The following FBXO34 variants were observed in gnomAD, a reference collection of about 807,000 sequenced individuals.
FBXO34 encodes F-box only protein 34.
FBXO34 carries 12 observed loss-of-function variants against 24.5 expected under a neutral mutation model. The observed-to-expected ratio is 0.49, with a 90% confidence interval of 0.31 to 0.79. FBXO34 has a LOEUF of 0.79. FBXO34 is among the 30% of genes least tolerant of loss of function. The pLI, the probability that FBXO34 is intolerant of heterozygous loss-of-function variation, is 0.04. For synonymous variants in FBXO34, 320 were observed against 311.9 expected (o/e 1.03, Z -0.27); for missense variants, 823 against 857.7 (o/e 0.96, Z 0.51).
At chr14:55,373,010 G>GAGGGTCCTGGC (rs11275289), downstream of FBXO34, among the ~76,000 whole-genome samples, 58,945 of 151,710 alleles carry the variant, frequency 0.39, 11,761 homozygotes, top group Non-Finnish European at 0.42. Context: ...AGAGCAGGAG[G>GAGGGTCCTGGC]AGAGGCCCCT....
chr14:55,323,357 C>T (rs1251805837), intron 1 of FBXO34, among the ~76,000 whole-genome samples: 4 of 141,728 alleles, frequency 2.8e-5, no homozygotes, highest in Admixed American at 1.4e-4. Flanking sequence ...GTGAGCCACC[C>T]CCTGACCTGG....
At chr14:55,428,291 G>A in the FBXO34 span, among the ~76,000 whole-genome samples, 3 of 151,864 alleles carry the variant, frequency 2.0e-5, no homozygotes, top group South Asian at 2.1e-4. Context: ...TGCCACGCCC[G>A]GCTAATTTTT....
At chr14:55,439,601 G>A in the FBXO34 span, among the ~76,000 whole-genome samples, 1 of 108,756 alleles carries the variant, frequency 9.2e-6, no homozygotes, top group Non-Finnish European at 1.9e-5. Context: ...CACCAGCCTG[G>A]GGAGAAAAGC....
chr14:55,428,733 C>T, the FBXO34 span: 1 of 1,410,352 alleles, frequency 7.1e-7, no homozygotes, highest in Non-Finnish European at 9.6e-7. Context: ...CTGAAAGATA[C>T]TTTACGTAAG....
At chr14:55,427,134 C>T in the FBXO34 span, among the ~76,000 whole-genome samples, 1 of 152,064 alleles carries the variant, frequency 6.6e-6, no homozygotes, top group African/African-American at 2.4e-5. Context: ...TAGAAACAGG[C>T]TTTATTAGGA....
At chr14:55,288,716 CTTTG>C (rs1260931492) in intron 1 of FBXO34, among the ~76,000 whole-genome samples, 3 of 152,078 alleles carry the variant, frequency 2.0e-5, no homozygotes, top group East Asian at 1.9e-4. Flanking sequence ...TAGCTAGCTG[CTTTG>C]TTTGTTTTAC....
At chr14:55,426,193 G>T in the FBXO34 span, among the ~76,000 whole-genome samples, 4 of 151,778 alleles carry the variant, frequency 2.6e-5, no homozygotes, top group South Asian at 2.1e-4. Flanking sequence ...CTTGAACCCT[G>T]GGGGGTGGAG....
At chr14:55,420,695 T>C in the FBXO34 span, among the ~76,000 whole-genome samples, 13 of 151,844 alleles carry the variant, frequency 8.6e-5, no homozygotes, top group Non-Finnish European at 1.2e-4. Flanking sequence ...CTGTATAGTC[T>C]TCAGTATTTA....
At chr14:55,299,153 A>G in intron 1 of FBXO34, 1 of 1,144,812 alleles carries the variant, frequency 8.7e-7, no homozygotes. Context: ...ATTTGCTGGA[A>G]GTCAGTGGCC....
chr14:55,368,979 G>C (rs1172731837), downstream of FBXO34: 1 of 152,544 alleles, frequency 6.6e-6, no homozygotes, highest in Non-Finnish European at 1.5e-5. Flanking sequence ...TAAAGAAAAA[G>C]ACTTTCATTT....
chr14:55,278,851 T>TA (rs1009655852), intron 1 of FBXO34, among the ~76,000 whole-genome samples: 5 of 152,278 alleles, frequency 3.3e-5, no homozygotes, highest in Admixed American at 3.3e-4. Context: ...CACACGCAGC[T>TA]AATTTTTAAA....
intron 1 of FBXO34, among the ~76,000 whole-genome samples, chr14:55,286,906 CTTT>C (rs34073592): frequency 5.6e-5 from 7 of 125,408 alleles, no homozygotes; most frequent in Non-Finnish European, 8.6e-5. Flanking sequence ...GTTTCATTTA[CTTT>C]TTTTTTTTTT....
At chr14:55,442,388 C>CAAA in the FBXO34 span, among the ~76,000 whole-genome samples, 1 of 138,428 alleles carries the variant, frequency 7.2e-6, no homozygotes. Flanking sequence ...GACTCTGTCT[C>CAAA]AAAAAAAAAA....
At chr14:55,291,230 A>G (rs187059287) in intron 1 of FBXO34, among the ~76,000 whole-genome samples, 27 of 152,160 alleles carry the variant, frequency 1.8e-4, no homozygotes, top group African/African-American at 5.8e-4. Flanking sequence ...TTGCTGACAC[A>G]GTTTTTGTAT....
the FBXO34 span, among the ~76,000 whole-genome samples, chr14:55,387,393 G>A: frequency 6.6e-6 from 1 of 152,148 alleles, no homozygotes; most frequent in East Asian, 1.9e-4. Flanking sequence ...ATTTGCTCCT[G>A]TTTTCTAAAT....
At chr14:55,337,728 ATGAAT>A (rs1483668429) in intron 1 of FBXO34, among the ~76,000 whole-genome samples, 1 of 152,242 alleles carries the variant, frequency 6.6e-6, no homozygotes, top group East Asian at 1.9e-4. Context: ...TGATAAACAA[ATGAAT>A]TTAATTTTAA....
the FBXO34 span, among the ~76,000 whole-genome samples, chr14:55,424,693 AAAATATTT>A: frequency 6.6e-6 from 1 of 152,248 alleles, no homozygotes; most frequent in Non-Finnish European, 1.5e-5. Flanking sequence ...ATAGAACCTA[AAAATATTT>A]CTAGGCCACT....
the FBXO34 span, among the ~76,000 whole-genome samples, chr14:55,438,471 G>A: frequency 6.6e-6 from 1 of 152,256 alleles, no homozygotes; most frequent in Admixed American, 6.5e-5. Context: ...CCACTGCAGG[G>A]TTTCCTTGGT....
chr14:55,306,919 A>G (rs562219972), intron 1 of FBXO34, among the ~76,000 whole-genome samples: 2 of 152,330 alleles, frequency 1.3e-5, no homozygotes, highest in Admixed American at 1.3e-4. Context: ...TTCAAATAAT[A>G]AAAATTTTTA....
Sources: gnomAD v4.1 joint callset for allele counts (sites outside exome capture counted in the v4.1 genomes callset) on GRCh38, gnomAD v4.1.1 for gene constraint, MANE v1.5 for transcripts, NCBI Gene and HGNC (gene_info 2026-07-23, HGNC 2026-07-21) for gene names.